Variants in KLHL14 observed in about 807,000 individuals in gnomAD.
KLHL14 encodes the protein kelch-like protein 14.
In KLHL14, 22 loss-of-function variants were observed where a neutral mutation model predicts 64.3. That is an observed-to-expected ratio of 0.34 (90% CI 0.24 to 0.49). KLHL14 has a LOEUF of 0.49. KLHL14 is among the 20% of genes least tolerant of loss of function. The pLI, the probability that KLHL14 is intolerant of heterozygous loss-of-function variation, is 0.99. For missense variants in KLHL14, 661 were observed against 789.0 expected, an observed-to-expected ratio of 0.84 and a Z score of 1.94; for synonymous variants, 322 against 333.4, an observed-to-expected ratio of 0.97 and a Z score of 0.37.
In KLHL14 at chr18:32,769,829, G is replaced by T. The variant is rs2050368425; in HGVS notation, c.763C>A (p.Gln255Lys). The T allele has an allele frequency of 1.2e-6, 2 of 1,613,758 alleles. No individual in the cohort carries two copies. Among genetic ancestry groups the T allele is most frequent in the East Asian group, 2.2e-5 (1 of 44,864 alleles). ...WLEHDRETRM[Q>K]YAPDLMKRLR... ...CGCTTCATGAGGTCAGGCGCATACT[G>T]CATGCGGGTCTCGCGGTCGTGCTCC... Residue 255 changes from glutamine to lysine, a missense_variant, in exon 2 of 9, where the codon CAG becomes AAG. Physicochemically the swap from Gln to Lys is moderately conservative, Grantham distance 53. Transcript: ENST00000359358.
At chr18:32,743,445 T>C (rs1386305183) in intron 2 of KLHL14, 2 of 152,224 alleles carry the variant, frequency 1.3e-5, no homozygotes, top group Admixed American at 1.3e-4. Flanking sequence ...GATGAAACTC[T>C]GGTGCCATTG....
chr18:32,699,942 T>A (rs893123139), intron 3 of KLHL14, among the ~76,000 whole-genome samples: 6 of 151,388 alleles, frequency 4.0e-5, no homozygotes, highest in Non-Finnish European at 7.4e-5. Flanking sequence ...TTTTTTTTTT[T>A]AAACAGTAAG....
At chr18:32,677,411 A>G in intron 7 of KLHL14, 81 bp from the exon 8 acceptor site, 2 of 1,154,084 alleles carry the variant, frequency 1.7e-6, no homozygotes, top group South Asian at 3.3e-5. Context: ...TTTTAAAAAC[A>G]AGTCTCAAGC....
chr18:32,701,856 CAT>C (rs1165905733), intron 3 of KLHL14, among the ~76,000 whole-genome samples: 2 of 152,094 alleles, frequency 1.3e-5, no homozygotes, highest in African/African-American at 4.8e-5. Flanking sequence ...ATACATAACA[CAT>C]GTGGATAATT....
chr18:32,727,678 T>C (rs1209965001), intron 3 of KLHL14, among the ~76,000 whole-genome samples: 2 of 152,078 alleles, frequency 1.3e-5, no homozygotes, highest in African/African-American at 4.8e-5. Context: ...AGCTCTAAAG[T>C]GGAAGGAGTA....
At chr18:32,769,248 G>A (rs1249813400) in intron 2 of KLHL14, among the ~76,000 whole-genome samples, 1 of 152,140 alleles carries the variant, frequency 6.6e-6, no homozygotes, top group Non-Finnish European at 1.5e-5. Flanking sequence ...CCTCACCACA[G>A]GATCCTTTTT....
intron 2 of KLHL14, among the ~76,000 whole-genome samples, chr18:32,764,397 G>A (rs2050329965): frequency 6.6e-6 from 1 of 152,088 alleles, no homozygotes; most frequent in Non-Finnish European, 1.5e-5. Context: ...ACTTAGCACG[G>A]TAGAATTATT....
rs2049814588 is a variant in KLHL14 at position 32,677,023 on chromosome 18, T to C, written c.1746+150A>G. The C allele has an allele frequency of 8.4e-6, 7 of 833,742 alleles. No homozygotes were observed. In the South Asian group the frequency reaches 1.2e-4, roughly 15 times the overall value. The allele number at this position is 833,742 out of a possible 1,614,324, so 51.6% of individuals were successfully genotyped here. On this transcript the variant is annotated intron_variant, in intron 8 of 8. Coordinates refer to ENST00000359358, the MANE Select transcript of KLHL14 (RefSeq NM_020805.3). ...GCCAGTTCAACAGCCACCAGGCTGA[T>C]CCTATTTTACTATCTAAAGCAACTG...
chr18:32,772,508 T>C (rs1397513257), intron 1 of KLHL14, among the ~76,000 whole-genome samples, 159 bp downstream of exon 1: 1 of 151,878 alleles, frequency 6.6e-6, no homozygotes, highest in Non-Finnish European at 1.5e-5. Flanking sequence ...CCTCATCTGC[T>C]TATTTCTTGC....
chr18:32,764,959 A>C (rs1028748712), intron 2 of KLHL14, among the ~76,000 whole-genome samples: 4 of 152,172 alleles, frequency 2.6e-5, no homozygotes, highest in Non-Finnish European at 5.9e-5. Flanking sequence ...TTAAGTCTAC[A>C]TATAACTCTT....
rs141311168 is a variant in KLHL14, at chr18:32,688,970, C to G, written c.1160-1737G>C. On this transcript the variant is annotated intron_variant, in intron 4 of 8. Transcript: ENST00000359358. ...GTGCAGGCATAGCCAAATAAAATTTCCTGAGGGCTTGAATATTGGTATGAG... is the reference window on the plus strand; with the variant it reads ...GTGCAGGCATAGCCAAATAAAATTTGCTGAGGGCTTGAATATTGGTATGAG... Among the ~76,000 whole-genome samples the G allele has an allele frequency of 2.0e-3, 302 of 152,170 alleles. 1 individual carries two copies. The highest frequency in any genetic ancestry group is 2.1e-3 in the Non-Finnish European group (143 of 68,004).
intron 2 of KLHL14, among the ~76,000 whole-genome samples, chr18:32,766,075 A>G (rs2144193996): frequency 6.6e-6 from 1 of 152,208 alleles, no homozygotes; most frequent in South Asian, 2.1e-4. Flanking sequence ...ATAGTAATGT[A>G]GATTAATGTA....
intron 4 of KLHL14, among the ~76,000 whole-genome samples, chr18:32,693,343 A>G (rs2049918129): frequency 7.0e-6 from 1 of 142,612 alleles, no homozygotes; most frequent in Non-Finnish European, 1.5e-5. Context: ...TCAGCCTTTC[A>G]TGTGGAAGCT....
intron 3 of KLHL14, among the ~76,000 whole-genome samples, chr18:32,726,452 C>T (rs914423303): frequency 3.3e-5 from 5 of 151,912 alleles, no homozygotes; most frequent in Admixed American, 2.6e-4. Flanking sequence ...GTTGAAACCC[C>T]GTCTCTACTA....
intron 2 of KLHL14, among the ~76,000 whole-genome samples, chr18:32,748,040 T>C (rs1272088693): frequency 5.3e-5 from 8 of 152,184 alleles, no homozygotes; most frequent in Non-Finnish European, 1.2e-4. Context: ...ATAAATTCCT[T>C]GTTCATTGCG....
At chr18:32,737,259 A>G (rs1414902339) in intron 3 of KLHL14, 3 of 152,166 alleles carry the variant, frequency 2.0e-5, no homozygotes, top group Non-Finnish European at 4.4e-5. Context: ...AAAGCCCTTA[A>G]TTTAACTTAC....
At chr18:32,706,590 G>T (rs1035649939) in intron 3 of KLHL14, among the ~76,000 whole-genome samples, 2 of 152,184 alleles carry the variant, frequency 1.3e-5, no homozygotes, top group African/African-American at 4.8e-5. Flanking sequence ...ACAATCTAAA[G>T]ATACATACCG....
In KLHL14 at chr18:32,707,490, T is replaced by A. The variant is rs145963664; in HGVS notation, c.1070-11938A>T. Among the ~76,000 whole-genome samples the A allele has an allele frequency of 7.0e-3, 1,061 of 152,356 alleles. 16 individuals are homozygous for A. The highest frequency in any genetic ancestry group is 0.024 in the African/African-American group (1,002 of 41,588). ...CTGAGAACTGAGATTTCAGGAGCAT[T>A]CCCACTACCTTAGCTGATAAGGGTA... On this transcript the variant is annotated intron_variant, in intron 3 of 8. Coordinates refer to ENST00000359358, the MANE Select transcript of KLHL14 (RefSeq NM_020805.3).
intron 4 of KLHL14, among the ~76,000 whole-genome samples, chr18:32,690,067 T>C (rs2049899749): frequency 6.6e-6 from 1 of 152,046 alleles, no homozygotes; most frequent in South Asian, 2.1e-4. Context: ...CCAGGACTAG[T>C]ATTGCCAGGC....
Sources: gnomAD v4.1 joint callset for allele counts (sites outside exome capture counted in the v4.1 genomes callset) on GRCh38, gnomAD v4.1.1 for gene constraint, MANE v1.5 for transcripts, NCBI Gene and HGNC (gene_info 2026-07-23, HGNC 2026-07-21) for gene names.